RBFOX1: variants seen among roughly 807,000 people sequenced by gnomAD.
RBFOX1 encodes RNA binding fox-1 homolog 1, also known as RNA binding protein fox-1 homolog 1.
RBFOX1 carries 8 observed loss-of-function variants against 57.7 expected under a neutral mutation model. That is an observed-to-expected ratio of 0.14 (90% CI 0.08 to 0.25). The LOEUF is 0.25. Among genes scored for constraint, RBFOX1 ranks in the 10% least tolerant of loss-of-function variants. RBFOX1 has a pLI of 1.00. For missense variants in RBFOX1, 611 were observed against 548.5 expected (o/e 1.11, Z -1.14); for synonymous variants, 326 against 222.4 (o/e 1.47, Z -4.15).
chr16:6,902,237 A>G (rs4786950), intron 3 of RBFOX1, among the ~76,000 whole-genome samples: 82,017 of 151,958 alleles, frequency 0.54, 22,376 homozygotes, highest in East Asian at 0.77. Context: ...AATTACATGT[A>G]ACTCACAGTT....
intron 2 of RBFOX1, among the ~76,000 whole-genome samples, chr16:5,484,378 A>C (rs2069653508): frequency 6.6e-6 from 1 of 152,236 alleles, no homozygotes; most frequent in Non-Finnish European, 1.5e-5. Flanking sequence ...TCTCTTAGTG[A>C]GAGCAAATGA....
At chr16:5,911,649 G>A (rs2058604846) in intron 4 of RBFOX1, among the ~76,000 whole-genome samples, 2 of 152,134 alleles carry the variant, frequency 1.3e-5, no homozygotes, top group Non-Finnish European at 2.9e-5. Context: ...CATGAACAGG[G>A]CCACTTCTAA....
intron 2 of RBFOX1, among the ~76,000 whole-genome samples, chr16:6,343,207 C>G (rs573927633): frequency 1.3e-4 from 20 of 152,222 alleles, no homozygotes; most frequent in African/African-American, 4.8e-4. Flanking sequence ...GCTTTTCATT[C>G]TTATTCTCAT....
chr16:5,771,936 G>C (rs1421787940), intron 3 of RBFOX1, among the ~76,000 whole-genome samples: 1 of 152,176 alleles, frequency 6.6e-6, no homozygotes, highest in Non-Finnish European at 1.5e-5. Context: ...CACTTTGGGA[G>C]GTCGAGGGGG....
chr16:5,862,534 A>G (rs2057246875), intron 3 of RBFOX1, among the ~76,000 whole-genome samples: 1 of 152,198 alleles, frequency 6.6e-6, no homozygotes, highest in Non-Finnish European at 1.5e-5. Context: ...GGAATAGCAG[A>G]CAGTCACCCA....
chr16:6,556,579 G>T (rs971386663), intron 2 of RBFOX1, among the ~76,000 whole-genome samples: 1 of 152,134 alleles, frequency 6.6e-6, no homozygotes, highest in East Asian at 1.9e-4. Context: ...AGACATTCTT[G>T]TCATTTTCCA....
intron 1 of RBFOX1, among the ~76,000 whole-genome samples, chr16:6,079,941 T>C (rs1183779350): frequency 6.6e-6 from 1 of 152,238 alleles, no homozygotes; most frequent in Non-Finnish European, 1.5e-5. Context: ...TGCTCATGTG[T>C]CTTGGATTGA....
At chr16:5,339,234 A>G (rs780816136) in intron 1 of RBFOX1, among the ~76,000 whole-genome samples, 36 of 152,048 alleles carry the variant, frequency 2.4e-4, no homozygotes, top group Non-Finnish European at 4.3e-4. Context: ...CTTAGATTCC[A>G]CATATCCATG....
intron 4 of RBFOX1, among the ~76,000 whole-genome samples, chr16:7,356,431 C>T (rs996519783): frequency 2.0e-5 from 3 of 152,142 alleles, no homozygotes; most frequent in African/African-American, 7.2e-5. Context: ...AGGAGCATCC[C>T]ACTGAGAAGA....
chr16:6,628,234 C>T (rs1052536355), intron 2 of RBFOX1, among the ~76,000 whole-genome samples: 1 of 152,192 alleles, frequency 6.6e-6, no homozygotes, highest in African/African-American at 2.4e-5. Flanking sequence ...GGAATGTGTA[C>T]TCAATGACAG....
chr16:7,681,829 C>T (rs1282159771), intron 14 of RBFOX1, among the ~76,000 whole-genome samples: 1 of 152,070 alleles, frequency 6.6e-6, no homozygotes, highest in Non-Finnish European at 1.5e-5. Flanking sequence ...TTGCTTTCCC[C>T]AGTCCTCTTA....
intron 4 of RBFOX1, among the ~76,000 whole-genome samples, chr16:7,306,302 T>C (rs6500945): frequency 6.6e-6 from 1 of 151,916 alleles, no homozygotes; most frequent in Non-Finnish European, 1.5e-5. Flanking sequence ...AACAAACATA[T>C]AAGATAAACA....
At chr16:5,921,597 G>C (rs2058823216) in intron 4 of RBFOX1, among the ~76,000 whole-genome samples, 1 of 152,170 alleles carries the variant, frequency 6.6e-6, no homozygotes, top group Non-Finnish European at 1.5e-5. Context: ...AAGGGGATGA[G>C]AAATAGGAAA....
chr16:6,668,587 C>A (rs759986746), intron 3 of RBFOX1, among the ~76,000 whole-genome samples: 9 of 152,110 alleles, frequency 5.9e-5, no homozygotes, highest in South Asian at 2.1e-4. Context: ...CCTAGGTGCT[C>A]GAGAAGCCTT....
At chr16:6,296,423 C>CTT (rs1555611644) in intron 1 of RBFOX1, among the ~76,000 whole-genome samples, 2 of 144,286 alleles carry the variant, frequency 1.4e-5, no homozygotes. Flanking sequence ...AGGGGATGTA[C>CTT]TTTTTTTTTT....
At chr16:7,706,912 C>T (rs1265462316) in intron 14 of RBFOX1, among the ~76,000 whole-genome samples, 2 of 152,150 alleles carry the variant, frequency 1.3e-5, no homozygotes, top group African/African-American at 2.4e-5. Flanking sequence ...ATTATTTTAT[C>T]AAAAACTTTT....
intron 4 of RBFOX1, among the ~76,000 whole-genome samples, chr16:7,480,244 C>T (rs769849402): frequency 6.6e-6 from 1 of 152,188 alleles, no homozygotes; most frequent in African/African-American, 2.4e-5. Flanking sequence ...CCTCGGGAAG[C>T]AACTTAGGGT....
At chr16:6,001,845 A>G (rs1293303863) in intron 4 of RBFOX1, among the ~76,000 whole-genome samples, 1 of 152,092 alleles carries the variant, frequency 6.6e-6, no homozygotes, top group African/African-American at 2.4e-5. Context: ...TGGAATATCC[A>G]ATGGGACTCA....
intron 4 of RBFOX1, among the ~76,000 whole-genome samples, chr16:5,991,572 C>T (rs181366025): frequency 8.1e-4 from 123 of 151,634 alleles, no homozygotes; most frequent in Middle Eastern, 3.5e-3. Context: ...ACTCAATGAT[C>T]GCAGTGGAGC....
Sources: allele counts gnomAD v4.1 joint callset (sites outside exome capture counted in the v4.1 genomes callset), GRCh38; gene constraint gnomAD v4.1.1; transcripts MANE v1.5; gene names NCBI Gene and HGNC (gene_info 2026-07-23, HGNC 2026-07-21).